The following RAB19 variants were observed in gnomAD, a reference collection of about 807,000 sequenced individuals.
RAB19 encodes the protein RAB19, member RAS oncogene family.
RAB19 carries 21 observed loss-of-function variants against 17.3 expected under a neutral mutation model. The observed-to-expected ratio is 1.21, with a 90% confidence interval of 0.86 to 1.74. The LOEUF is 1.74. RAB19 is among the 40% of genes most tolerant of loss of function. RAB19 has a pLI of 0.00. For synonymous variants in RAB19, 126 were observed against 110.4 expected, an observed-to-expected ratio of 1.14 and a Z score of -0.88; for missense variants, 277 against 286.8, an observed-to-expected ratio of 0.97 and a Z score of 0.25.
intron 3 of RAB19, among the ~76,000 whole-genome samples, chr7:140,415,750 C>T (rs1387775036): frequency 3.6e-5 from 5 of 139,016 alleles, no homozygotes; most frequent in Admixed American, 2.2e-4. Context: ...AATAAAAATA[C>T]AAAAATTAGC....
intron 3 of RAB19, among the ~76,000 whole-genome samples, chr7:140,422,221 T>C (rs1440188883): frequency 6.6e-6 from 1 of 152,010 alleles, no homozygotes; most frequent in African/African-American, 2.4e-5. Flanking sequence ...ACCCCATCTC[T>C]ACTAGAAAAA....
intron 1 of RAB19, among the ~76,000 whole-genome samples, chr7:140,406,949 G>C (rs1799253487): frequency 6.6e-6 from 1 of 151,568 alleles, no homozygotes; most frequent in Admixed American, 6.6e-5. Context: ...GCAAAGGCAT[G>C]ATCTCGGATC....
At chr7:140,420,756 G>A (rs1799547609) in intron 3 of RAB19, among the ~76,000 whole-genome samples, 1 of 152,110 alleles carries the variant, frequency 6.6e-6, no homozygotes, top group African/African-American at 2.4e-5. Flanking sequence ...TGGGCACTAG[G>A]TTCTCTTGAA....
Position 140,407,566 on chromosome 7 carries a change from G to A in RAB19, c.-23-58G>A, listed in dbSNP as rs150482494. 1.1e-4 allele frequency: 147 copies of A among 1,324,618 alleles called. 1 individual carries two copies. The highest frequency in any genetic ancestry group is 6.9e-4 in the East Asian group (30 of 43,386). The allele number at this position is 1,324,618 out of a possible 1,614,324, so 82.1% of individuals were successfully genotyped here. A position where few individuals can be genotyped will look rare whatever the true frequency, so the allele number is the denominator to read the frequency against. On this transcript the variant is annotated intron_variant, in intron 1 of 3. Transcript: ENST00000537763. ...ACTGTGAAGGTAATGACCTCCCTTC[G>A]TCTTGTCTTGTACTGGATCCCCAGT...
In RAB19 at chr7:140,426,256, A is replaced by T; in HGVS notation, c.*106A>T. The T allele has an allele frequency of 7.5e-7, 1 of 1,331,622 alleles. No homozygotes were observed. 82.5% of individuals were successfully genotyped at this position (1,331,622 alleles called of 1,614,324 possible). A position where few individuals can be genotyped will look rare whatever the true frequency, so the allele number is the denominator to read the frequency against. On this transcript the variant is annotated 3_prime_UTR_variant, in exon 4 of 4. Coordinates refer to ENST00000537763, the MANE Select transcript of RAB19 (RefSeq NM_001008749.3). ...AGTGGCGCTTTAGACCCCAGCGTGG[A>T]CTTGCCGCTCACCCCTAATCCTCCC... is the stretch of plus-strand genomic sequence containing the variant.
intron 3 of RAB19, among the ~76,000 whole-genome samples, chr7:140,422,320 T>C (rs1455325823): frequency 6.6e-6 from 1 of 151,642 alleles, no homozygotes; most frequent in Non-Finnish European, 1.5e-5. Context: ...ACCTGGGAAG[T>C]GGGGGTTGCA....
Position 140,407,834 on chromosome 7 carries a change from G to T in RAB19, c.188G>T (p.Gly63Val), listed in dbSNP as rs935164126. 3 of 1,609,880 alleles carry T rather than the reference G, an allele frequency of 1.9e-6. No individual in the cohort carries two copies. Among genetic ancestry groups the T allele is most frequent in the Admixed American group, 3.3e-5 (2 of 59,778 alleles). The change falls in exon 2 of 4, where the codon GGC (glycine) becomes GTC (valine). Residue 63 changes from glycine to valine, a missense_variant. By Grantham distance (109) the Gly-to-Val change is moderately radical. Coordinates refer to ENST00000537763, the MANE Select transcript of RAB19 (RefSeq NM_001008749.3). ...DFTVRSLDID[G>V]KKVKMQVWDT... is the part of the protein sequence containing the mutation. Reference sequence around the variant, plus strand: ...ACCGTGCGTTCCCTTGATATTGACGGCAAAAAAGTGAAGGTCAGAGGGCAC... The same window carrying T: ...ACCGTGCGTTCCCTTGATATTGACGTCAAAAAAGTGAAGGTCAGAGGGCAC...
In RAB19 at chr7:140,417,309, G is replaced by C. The variant is rs186043122; in HGVS notation, c.385+5252G>C. ...CTCAGCTACTCTGGAGACTGAGGTG[G>C]GCACATTGCTTGAGGCTAGGAGTTC... On this transcript the variant is annotated intron_variant, in intron 3 of 3. Coordinates refer to ENST00000537763, the MANE Select transcript of RAB19 (RefSeq NM_001008749.3). Among the ~76,000 whole-genome samples the C allele has an allele frequency of 1.3e-3, 191 of 151,892 alleles. 1 individual carries two copies. Among genetic ancestry groups the C allele is most frequent in the Middle Eastern group, 3.4e-3 (1 of 294 alleles).
chr7:140,425,396 C>T (rs568812355), intron 3 of RAB19, among the ~76,000 whole-genome samples: 9 of 152,264 alleles, frequency 5.9e-5, no homozygotes, highest in African/African-American at 1.9e-4. Flanking sequence ...CAGCATCCAA[C>T]ACTCTGCTGT....
At chr7:140,410,117 G>A (rs1799325837) in intron 2 of RAB19, among the ~76,000 whole-genome samples, 1 of 151,524 alleles carries the variant, frequency 6.6e-6, no homozygotes, top group Non-Finnish European at 1.5e-5. Context: ...GAATCTGGGT[G>A]ATAGGTGTAT....
At position 140,427,141 on chromosome 7, in the gene RAB19, CTTTTTTTTTTTTT is replaced by C. The variant is rs34940659; in HGVS notation, c.*1000_*1012del. 3.2e-5 allele frequency among the ~76,000 whole-genome samples: 3 copies of C among 94,424 alleles called. No homozygotes were observed. The East Asian group carries it at 1.0e-3, about 33-fold the overall frequency. 61.9% of individuals were successfully genotyped at this position (94,424 alleles called of 152,430 possible). A position where few individuals can be genotyped will look rare whatever the true frequency, so the allele number is the denominator to read the frequency against. On this transcript the variant is annotated 3_prime_UTR_variant, in exon 4 of 4. Transcript: ENST00000537763. ...ACAGGCATGAGCCACCATGCCTGTT[CTTTTTTTTTTTTT>C]TTTTTTTTGAGACTGAGTCTCACTC...
chr7:140,417,803 T>C (rs1181528898), intron 3 of RAB19, among the ~76,000 whole-genome samples: 1 of 152,168 alleles, frequency 6.6e-6, no homozygotes, highest in East Asian at 1.9e-4. Flanking sequence ...TCTGGTGCCA[T>C]CTTTGGCTCT....
Position 140,427,756 on chromosome 7 carries a change from T to A in RAB19, c.*1606T>A, listed in dbSNP as rs73482590. Among the ~76,000 whole-genome samples the A allele has an allele frequency of 3.5e-4, 53 of 151,578 alleles. No homozygotes were observed. Among genetic ancestry groups the A allele is most frequent in the African/African-American group, 6.8e-4 (28 of 41,324 alleles). On this transcript the variant is annotated 3_prime_UTR_variant, in exon 4 of 4. Transcript: ENST00000537763. Reference sequence around the variant, plus strand: ...TGTGAACCACCGCACCTGGCCTTTTTTTATTATTATTATTGTAGAAATGAA... The same window carrying A: ...TGTGAACCACCGCACCTGGCCTTTTATTATTATTATTATTGTAGAAATGAA...
At position 140,407,856 on chromosome 7, in the gene RAB19, G is replaced by C; in HGVS notation, c.201+9G>C. ...ACGGCAAAAAAGTGAAGGTCAGAGG[G>C]CACCGGGACGGGACTGGTTCCACCT... On this transcript the variant is annotated intron_variant, in intron 2 of 3. Coordinates refer to ENST00000537763, the MANE Select transcript of RAB19 (RefSeq NM_001008749.3). 1 of 1,577,940 alleles carries C rather than the reference G, an allele frequency of 6.3e-7. No homozygotes were observed. Among genetic ancestry groups the C allele is most frequent in the South Asian group, 1.1e-5 (1 of 90,148 alleles).
rs911142446 is a variant in RAB19, at chr7:140,411,113, C to T, written c.202-761C>T. On this transcript the variant is annotated intron_variant, in intron 2 of 3. Transcript: ENST00000537763. ...AGACCCCAGGATAAAATAGGCCCACCTCTCGGCCGGGCGCAGTGGCTCACG... is the reference window on the plus strand; with the variant it reads ...AGACCCCAGGATAAAATAGGCCCACTTCTCGGCCGGGCGCAGTGGCTCACG... 3.7e-6 allele frequency: 5 copies of T among 1,367,046 alleles called. No homozygotes were observed. The Admixed American group carries it at 5.7e-5, about 16-fold the overall frequency. 84.7% of individuals were successfully genotyped at this position (1,367,046 alleles called of 1,614,324 possible).
intron 3 of RAB19, among the ~76,000 whole-genome samples, chr7:140,412,779 TAAAA>T (rs879410771): frequency 3.3e-5 from 5 of 151,386 alleles, no homozygotes; most frequent in African/African-American, 4.9e-5. Flanking sequence ...AGTGGGTTCT[TAAAA>T]AGAAAGAAGA....
chr7:140,405,283 C>T (rs1027732422), intron 1 of RAB19, among the ~76,000 whole-genome samples: 7 of 152,000 alleles, frequency 4.6e-5, no homozygotes, highest in Admixed American at 2.6e-4. Context: ...TGCAATGGTG[C>T]GATCTCGGCT....
At chr7:140,404,696 CA>C (rs1457883889) in intron 1 of RAB19, among the ~76,000 whole-genome samples, 4 of 152,090 alleles carry the variant, frequency 2.6e-5, no homozygotes, top group Non-Finnish European at 5.9e-5. Context: ...TGTCACAAGG[CA>C]GGGGCAATTT....
At chr7:140,408,832 C>T (rs1249121789) in intron 2 of RAB19, among the ~76,000 whole-genome samples, 1 of 152,128 alleles carries the variant, frequency 6.6e-6, no homozygotes, top group Non-Finnish European at 1.5e-5. Context: ...AATCACAGCT[C>T]ACTCCAGCCT....
Sources: allele counts gnomAD v4.1 joint callset (sites outside exome capture counted in the v4.1 genomes callset), GRCh38; gene constraint gnomAD v4.1.1; transcripts MANE v1.5; gene names NCBI Gene and HGNC (gene_info 2026-07-23, HGNC 2026-07-21).